PIP5K1B: variants seen among roughly 807,000 people sequenced by gnomAD.
PIP5K1B encodes phosphatidylinositol 4-phosphate 5-kinase type-1 beta.
Under a neutral mutation model 67.0 loss-of-function variants are expected in PIP5K1B, and 42 were observed. That is an observed-to-expected ratio of 0.63 (90% CI 0.49 to 0.81). The LOEUF (loss-of-function observed/expected upper bound fraction) is 0.81, where lower values mean the gene tolerates loss of function less well. Ranked by LOEUF, PIP5K1B falls within the 30% of genes least tolerant of loss-of-function variation. The pLI is 0.00. For synonymous variants in PIP5K1B, 214 were observed against 231.4 expected, an observed-to-expected ratio of 0.92 and a Z score of 0.68; for missense variants, 459 against 646.3, an observed-to-expected ratio of 0.71 and a Z score of 3.14.
At chr9:68,800,852 T>C (rs555032404) in intron 2 of PIP5K1B, among the ~76,000 whole-genome samples, 1 of 152,330 alleles carries the variant, frequency 6.6e-6, no homozygotes, top group East Asian at 1.9e-4. Flanking sequence ...TTGCTCCAAA[T>C]TCTCCATGAC....
chr9:68,727,779 T>C (rs1233311844), intron 1 of PIP5K1B: 1 of 152,214 alleles, frequency 6.6e-6, no homozygotes, highest in Middle Eastern at 3.2e-3. Context: ...GCCGTCTCTC[T>C]ACCCTACAAA....
At chr9:68,799,590 C>T (rs915248994) in intron 2 of PIP5K1B, among the ~76,000 whole-genome samples, 2 of 152,134 alleles carry the variant, frequency 1.3e-5, no homozygotes, top group African/African-American at 2.4e-5. Flanking sequence ...TGAACCCATA[C>T]ATATACAATC....
intron 15 of PIP5K1B, among the ~76,000 whole-genome samples, chr9:68,995,366 A>G (rs1830559672): frequency 6.6e-6 from 1 of 152,234 alleles, no homozygotes; most frequent in African/African-American, 2.4e-5. Context: ...CAGTACATCT[A>G]GAAAGTCCTG....
At chr9:68,898,685 C>T (rs111279141) in intron 8 of PIP5K1B, among the ~76,000 whole-genome samples, 37 of 152,270 alleles carry the variant, frequency 2.4e-4, no homozygotes, top group African/African-American at 8.7e-4. Flanking sequence ...CCCAGATCTG[C>T]ACCCTGAAGC....
chr9:68,723,695 G>GTTTTTTTT (rs36021674), intron 1 of PIP5K1B, among the ~76,000 whole-genome samples: 128 of 50,106 alleles, frequency 2.6e-3, no homozygotes, highest in East Asian at 4.5e-3. Context: ...GAAGTATTTG[G>GTTTTTTTT]TTTTTTTTTT....
chr9:68,754,033 G>A (rs1051812461), intron 2 of PIP5K1B, among the ~76,000 whole-genome samples: 1 of 152,060 alleles, frequency 6.6e-6, no homozygotes, highest in African/African-American at 2.4e-5. Flanking sequence ...AAACAAAACT[G>A]CTAGTGGGAT....
intron 2 of PIP5K1B, among the ~76,000 whole-genome samples, chr9:68,786,799 G>T (rs1012629975): frequency 1.3e-5 from 2 of 152,164 alleles, no homozygotes; most frequent in Non-Finnish European, 2.9e-5. Context: ...ACATGGTAGA[G>T]TAGAGTACAA....
At chr9:68,953,634 T>A (rs962844621) in intron 14 of PIP5K1B, among the ~76,000 whole-genome samples, 1 of 151,702 alleles carries the variant, frequency 6.6e-6, no homozygotes, top group African/African-American at 2.4e-5. Context: ...TGGGCAATAC[T>A]AGTGAGACCC....
At chr9:68,765,451 A>C (rs1352987885) in intron 2 of PIP5K1B, among the ~76,000 whole-genome samples, 1 of 152,028 alleles carries the variant, frequency 6.6e-6, no homozygotes, top group East Asian at 1.9e-4. Flanking sequence ...TGCAACATGG[A>C]GAAAATGGTC....
At chr9:68,804,508 A>G (rs1832761574) in intron 2 of PIP5K1B, among the ~76,000 whole-genome samples, 1 of 152,156 alleles carries the variant, frequency 6.6e-6, no homozygotes, top group South Asian at 2.1e-4. Flanking sequence ...TTGGAACTGG[A>G]CAGTCTGTGC....
At chr9:68,758,852 C>T (rs1830060085) in intron 2 of PIP5K1B, among the ~76,000 whole-genome samples, 1 of 152,040 alleles carries the variant, frequency 6.6e-6, no homozygotes, top group African/African-American at 2.4e-5. Flanking sequence ...GAAAAAATCT[C>T]GAAAACAGAG....
At chr9:68,903,907 A>G (rs1291521267) in intron 8 of PIP5K1B, among the ~76,000 whole-genome samples, 1 of 152,238 alleles carries the variant, frequency 6.6e-6, no homozygotes, top group African/African-American at 2.4e-5. Context: ...ACAATACATA[A>G]TACTTTATTG....
chr9:68,799,694 A>G (rs901619746), intron 2 of PIP5K1B, among the ~76,000 whole-genome samples: 22 of 152,252 alleles, frequency 1.4e-4, no homozygotes, highest in African/African-American at 5.3e-4. Context: ...CCATATGTGA[A>G]AGAATGAAAC....
intron 7 of PIP5K1B, among the ~76,000 whole-genome samples, chr9:68,892,467 C>G (rs764337034): frequency 9.2e-5 from 14 of 152,136 alleles, no homozygotes; most frequent in African/African-American, 1.7e-4. Flanking sequence ...AGAAATAGAT[C>G]TATGTGAATT....
chr9:69,000,894 CT>C (rs35077587), intron 15 of PIP5K1B, among the ~76,000 whole-genome samples: 76 of 144,558 alleles, frequency 5.3e-4, no homozygotes, highest in East Asian at 1.0e-3. Flanking sequence ...GGGAGCACAA[CT>C]TTTTTTTTTT....
chr9:68,999,714 G>A (rs1195225698), intron 15 of PIP5K1B, among the ~76,000 whole-genome samples: 2 of 152,162 alleles, frequency 1.3e-5, no homozygotes, highest in East Asian at 1.9e-4. Context: ...CCCATTACAC[G>A]TGCCTCTAAT....
rs773828731 is a variant in PIP5K1B, at chr9:68,991,237, T to A, written c.1600T>A (p.Ser534Thr). The change falls in exon 15 of 16, where the codon TCT becomes ACT. Residue 534 changes from serine (S) to threonine (T), a missense_variant. This residue lies in a region of PIP5K1B where 169 missense variants were observed against 171.9 expected (regional missense o/e 0.98). Transcript: ENST00000265382. ...TCTGGAAGTGCAGGATGACAATGCT[T>A]CTGTGCTTGACGTCTATTTAGTAAG... ...NTLEVQDDNA[S>T]VLDVYL 6.2e-7 allele frequency: 1 copy of A among 1,600,884 alleles called. No individual in the cohort carries two copies. Among genetic ancestry groups the A allele is most frequent in the Non-Finnish European group, 8.6e-7 (1 of 1,167,814 alleles).
At chr9:68,914,084 TA>T (rs1335047206) in intron 8 of PIP5K1B, among the ~76,000 whole-genome samples, 1 of 152,162 alleles carries the variant, frequency 6.6e-6, no homozygotes, top group Non-Finnish European at 1.5e-5. Context: ...ATTTCATTTT[TA>T]AAAAAATCTT....
chr9:68,862,643 T>A (rs112485134), intron 4 of PIP5K1B, among the ~76,000 whole-genome samples: 2,409 of 151,900 alleles, frequency 0.016, 67 homozygotes, highest in African/African-American at 0.055. Flanking sequence ...AATACAAATA[T>A]TAGCCAGATG....
Sources: gnomAD v4.1 joint callset for allele counts (sites outside exome capture counted in the v4.1 genomes callset) on GRCh38, gnomAD v4.1.1 for gene constraint, gnomAD v4.1.1 regional missense constraint, MANE v1.5 for transcripts, NCBI Gene and HGNC (gene_info 2026-07-23, HGNC 2026-07-21) for gene names.